Variants in WDTC1 observed in about 807,000 individuals in gnomAD.
WDTC1 encodes the protein WD and tetratricopeptide repeats protein 1.
A neutral mutation model predicts 76.0 loss-of-function variants in WDTC1; 12 were observed. The observed-to-expected ratio is 0.16, with a 90% CI of 0.10 to 0.26. The LOEUF is 0.26. Ranked by LOEUF, WDTC1 falls within the 10% of genes least tolerant of loss-of-function variation. WDTC1 has a pLI of 1.00. For missense variants in WDTC1, 511 were observed against 908.8 expected, an observed-to-expected ratio of 0.56 and a Z score of 5.63; for synonymous variants, 326 against 350.8, an observed-to-expected ratio of 0.93 and a Z score of 0.79.
chr1:27,253,095 G>A (rs1361778305), intron 1 of WDTC1, among the ~76,000 whole-genome samples: 2 of 142,330 alleles, frequency 1.4e-5, no homozygotes, highest in Non-Finnish European at 3.0e-5. Flanking sequence ...TGCAACCTCC[G>A]CCTCCCGGGT....
At chr1:27,288,186 G>T (rs192323522) in intron 6 of WDTC1, among the ~76,000 whole-genome samples, 1 of 151,794 alleles carries the variant, frequency 6.6e-6, no homozygotes. Flanking sequence ...TTCCCATGTC[G>T]GACTCTTTCT....
At chr1:27,252,054 A>T (rs1255979805) in intron 1 of WDTC1, among the ~76,000 whole-genome samples, 2 of 151,382 alleles carry the variant, frequency 1.3e-5, no homozygotes, top group Admixed American at 6.6e-5. Flanking sequence ...TCTCAAAAAT[A>T]AAAAAAACCT....
chr1:27,273,759 G>A (rs2012942777), intron 3 of WDTC1, among the ~76,000 whole-genome samples: 5 of 151,860 alleles, frequency 3.3e-5, no homozygotes. Flanking sequence ...AGTGTAAGGG[G>A]TCCTGAAGTC....
Position 27,287,869 on chromosome 1 carries a change from T to G in WDTC1, c.479+8T>G, listed in dbSNP as rs749256677. On this transcript the variant is annotated splice_region_variant and intron_variant, in intron 6 of 15. Transcript: ENST00000319394. ...TGAGGATGGGCTTATCCGGTAAGAG[T>G]CTGGGGCATCTAGTGGAGCCTGTCG... 3 of 1,610,526 alleles carry G rather than the reference T, an allele frequency of 1.9e-6. No homozygotes were observed. The South Asian group carries it at 3.3e-5, about 18-fold the overall frequency.
chr1:27,302,719 T>A, intron 13 of WDTC1, among the ~76,000 whole-genome samples: 1 of 151,930 alleles, frequency 6.6e-6, no homozygotes, highest in East Asian at 1.9e-4. Context: ...CCAGCCTGGG[T>A]GACAGAGCAA....
chr1:27,276,974 A>AT (rs1326155583), intron 3 of WDTC1, among the ~76,000 whole-genome samples: 2 of 150,848 alleles, frequency 1.3e-5, no homozygotes, highest in Admixed American at 6.6e-5. Flanking sequence ...TTGTCTTTTC[A>AT]TTTTTAAATG....
At chr1:27,265,826 A>G (rs2012645119) in intron 3 of WDTC1, among the ~76,000 whole-genome samples, 1 of 152,116 alleles carries the variant, frequency 6.6e-6, no homozygotes, top group Non-Finnish European at 1.5e-5. Context: ...GTGTGCCTGT[A>G]ATCCCAGCAA....
chr1:27,304,990 C>T lies in WDTC1; in HGVS notation c.1644-11C>T. ...CCCACCTGACCTCCCTGCCCTTTGCCCCCCCGCCAGCAACGCTCAGTATAT... is the reference window on the plus strand; with the variant it reads ...CCCACCTGACCTCCCTGCCCTTTGCTCCCCCGCCAGCAACGCTCAGTATAT... On this transcript the variant is annotated splice_polypyrimidine_tract_variant and intron_variant, in intron 14 of 15. Coordinates refer to ENST00000319394, the MANE Select transcript of WDTC1 (RefSeq NM_001276252.2). 8.7e-6 allele frequency: 14 copies of T among 1,607,908 alleles called. No homozygotes were observed. Among genetic ancestry groups the T allele is most frequent in the Admixed American group, 1.7e-5 (1 of 59,790 alleles).
intron 1 of WDTC1, among the ~76,000 whole-genome samples, chr1:27,242,103 G>C (rs1232605773): frequency 6.6e-6 from 1 of 152,034 alleles, no homozygotes; most frequent in Non-Finnish European, 1.5e-5. Flanking sequence ...TGTTGGCCAG[G>C]CTGGTCTCCA....
At chr1:27,250,169 C>T (rs1318841757) in intron 1 of WDTC1, among the ~76,000 whole-genome samples, 1 of 152,050 alleles carries the variant, frequency 6.6e-6, no homozygotes, top group Non-Finnish European at 1.5e-5. Context: ...AATCTAGATA[C>T]GATACTGTTA....
rs540840242 is a variant in WDTC1 at position 27,290,720 on chromosome 1, CTTCT to C, written c.480-1489_480-1486del. Among the ~76,000 whole-genome samples, 5 of 152,304 alleles carry C rather than the reference CTTCT, an allele frequency of 3.3e-5. No individual in the cohort carries two copies. In the East Asian group the frequency reaches 7.7e-4, roughly 23 times the overall value. On this transcript the variant is annotated intron_variant, in intron 6 of 15. Transcript: ENST00000319394. ...CCTTTCTTCAGCTGTGACCTTAGAA[CTTCT>C]TTCTTATCTCCCCAGCCTGCTTTAA...
intron 3 of WDTC1, among the ~76,000 whole-genome samples, chr1:27,266,802 A>G (rs2012687923): frequency 6.6e-6 from 1 of 152,256 alleles, no homozygotes. Flanking sequence ...AGGGAAGATC[A>G]ACAGTAAAAG....
rs2011583376 is a variant in WDTC1 at position 27,240,012 on chromosome 1, C to T, written c.-100+5061C>T. ...CAAGCAATTCTCCTGCCTCAGCCTT[C>T]TGAGTAGCTGAGATTATAGGTGCGC... On this transcript the variant is annotated intron_variant, in intron 1 of 15. Transcript: ENST00000319394. 3.3e-5 allele frequency among the ~76,000 whole-genome samples: 5 copies of T among 151,806 alleles called. No homozygotes were observed. In the South Asian group the frequency reaches 1.0e-3, roughly 32 times the overall value.
At chr1:27,283,552 T>A in intron 5 of WDTC1, 103 bp downstream of exon 5, 1 of 931,228 alleles carries the variant, frequency 1.1e-6, no homozygotes, top group Non-Finnish European at 1.6e-6. Flanking sequence ...CCATATACCG[T>A]CTAGGGTCAC....
At chr1:27,289,771 T>C (rs1245311179) in intron 6 of WDTC1, among the ~76,000 whole-genome samples, 1 of 151,870 alleles carries the variant, frequency 6.6e-6, no homozygotes, top group Non-Finnish European at 1.5e-5. Flanking sequence ...TCACTCGCGG[T>C]TAGGAGCTGG....
intron 1 of WDTC1, among the ~76,000 whole-genome samples, chr1:27,239,297 T>C (rs1183448919): frequency 6.8e-6 from 1 of 146,562 alleles, no homozygotes; most frequent in African/African-American, 2.5e-5. Flanking sequence ...GTGGGTGGAT[T>C]GCTTGAGCCC....
At chr1:27,292,805 G>A (rs1445771366) in intron 7 of WDTC1, among the ~76,000 whole-genome samples, 58 of 122,630 alleles carry the variant, frequency 4.7e-4, no homozygotes, top group African/African-American at 1.5e-3. Context: ...TCTGTCACCC[G>A]TGTTGGAGCG....
chr1:27,295,898 T>C (rs2013670657), intron 9 of WDTC1, among the ~76,000 whole-genome samples: 1 of 152,150 alleles, frequency 6.6e-6, no homozygotes, highest in Admixed American at 6.6e-5. Context: ...CCTGAGTAGC[T>C]GGGACCACAG....
Position 27,277,542 on chromosome 1 carries a change from C to T in WDTC1, c.133-4697C>T, listed in dbSNP as rs554760519. Among the ~76,000 whole-genome samples, 12 of 152,102 alleles carry T rather than the reference C, an allele frequency of 7.9e-5. No individual in the cohort carries two copies. The South Asian group carries it at 2.5e-3, about 32-fold the overall frequency. On this transcript the variant is annotated intron_variant, in intron 3 of 15. Coordinates refer to ENST00000319394, the MANE Select transcript of WDTC1 (RefSeq NM_001276252.2). ...AAACTCTTAGTCTCAAGTGATCTTC[C>T]TGTCTTAGTCTCCCAAATAGCTGGG...
Sources: gnomAD v4.1 joint callset for allele counts (sites outside exome capture counted in the v4.1 genomes callset) on GRCh38, gnomAD v4.1.1 for gene constraint, MANE v1.5 for transcripts, NCBI Gene and HGNC (gene_info 2026-07-23, HGNC 2026-07-21) for gene names.